The following AKT2 variants were observed in gnomAD, a reference collection of about 807,000 sequenced individuals.
The protein encoded by AKT2 is AKT serine/threonine kinase 2, also known as RAC-beta serine/threonine-protein kinase.
In AKT2, 16 loss-of-function variants were observed where a neutral mutation model predicts 58.6. The observed-to-expected ratio is 0.27, with a 90% CI of 0.18 to 0.41. The LOEUF is 0.41. AKT2 is among the 10% of genes least tolerant of loss of function. The pLI is 1.00. For missense variants in AKT2, 438 were observed against 661.0 expected (o/e 0.66, Z 3.70); for synonymous variants, 253 against 254.0 (o/e 1.00, Z 0.04).
chr19:40,230,585 CA>C lies in AKT2; in HGVS notation c.*3286del. 1 of 228,620 alleles carries C rather than the reference CA, an allele frequency of 4.4e-6. No homozygotes were observed. Among genetic ancestry groups the C allele is most frequent in the Non-Finnish European group, 8.7e-6 (1 of 115,108 alleles). 14.2% of individuals were successfully genotyped at this position (228,620 alleles called of 1,614,324 possible). ...TTACACAAAAAGAGCAGGAAACTAC[CA>C]ATTTATGATGCCGTGTCCATTTGCA... On this transcript the variant is annotated 3_prime_UTR_variant, in exon 14 of 14. Transcript: ENST00000392038.
chr19:40,242,238 G>C lies in AKT2; in HGVS notation c.442-169C>G. 2 of 1,053,630 alleles carry C rather than the reference G, an allele frequency of 1.9e-6. No individual in the cohort carries two copies. The highest frequency in any genetic ancestry group is 3.0e-4 in the Middle Eastern group (1 of 3,386). The allele number at this position is 1,053,630 out of a possible 1,614,324, so 65.3% of individuals were successfully genotyped here. On this transcript the variant is annotated intron_variant, in intron 5 of 13. Coordinates refer to ENST00000392038, the MANE Select transcript of AKT2 (RefSeq NM_001626.6). This position sits in a 1 kb window ranked among gnomAD's most constrained non-coding sequence, Gnocchi z 4.3. ...ACTGTGTGTTCTGAAGCGGCCTTCA[G>C]ACCAGGCTCTGCAGGCACAGGGCCT...
Position 40,232,962 on chromosome 19 carries a change from T to C in AKT2, c.*910A>G. On this transcript the variant is annotated 3_prime_UTR_variant, in exon 14 of 14. Transcript: ENST00000392038. ...CCCCACCCCTCCCTGACCAAGTCCA[T>C]GGGGCCCAATACTGTCCGGTGTAAG... is the stretch of plus-strand genomic sequence containing the variant. 8.6e-6 allele frequency: 1 copy of C among 116,908 alleles called. No homozygotes were observed. The highest frequency in any genetic ancestry group is 1.6e-5 in the Non-Finnish European group (1 of 60,992). The allele number at this position is 116,908 out of a possible 1,614,324, so 7.2% of individuals were successfully genotyped here. A position where few individuals can be genotyped will look rare whatever the true frequency, so the allele number is the denominator to read the frequency against.
chr19:40,254,907 G>A (rs968553962), intron 4 of AKT2, among the ~76,000 whole-genome samples: 1 of 152,132 alleles, frequency 6.6e-6, no homozygotes, highest in African/African-American at 2.4e-5. Flanking sequence ...CTTGAGGCGA[G>A]GCCCAGCGGT....
At chr19:40,261,419 G>T (rs1317039222) in intron 2 of AKT2, among the ~76,000 whole-genome samples, 1 of 152,004 alleles carries the variant, frequency 6.6e-6, no homozygotes, top group African/African-American at 2.4e-5. Context: ...TGTAATCCCA[G>T]CTACTCAGGA....
chr19:40,258,712 G>A (rs1204759784), intron 2 of AKT2, among the ~76,000 whole-genome samples: 1 of 150,986 alleles, frequency 6.6e-6, no homozygotes, highest in East Asian at 1.9e-4. Context: ...TTAACCAAGG[G>A]GGTGAAGGGC....
At position 40,238,941 on chromosome 19, in the gene AKT2, G is replaced by A. The variant is rs956105186; in HGVS notation, c.672C>T (p.Arg224=). The part of the protein sequence containing the change: ...ALKYAFQTHD[R]LCFVMEYANG... ...TGGCATACTCCATCACAAAGCACAGGCGGTCGTGGGTCTGGAAGGCATACT... is the reference window on the plus strand; with the variant it reads ...TGGCATACTCCATCACAAAGCACAGACGGTCGTGGGTCTGGAAGGCATACT... The change falls in exon 8 of 14, where the codon CGC becomes CGT. Residue 224 remains arginine (R), a synonymous_variant. Coordinates refer to ENST00000392038, the MANE Select transcript of AKT2 (RefSeq NM_001626.6). The surrounding 1 kb of genome is among the most constrained non-coding windows in gnomAD (Gnocchi z 5.1). 1 of 1,614,078 alleles carries A rather than the reference G, an allele frequency of 6.2e-7. No homozygotes were observed. The highest frequency in any genetic ancestry group is 8.5e-7 in the Non-Finnish European group (1 of 1,180,014).
intron 4 of AKT2, chr19:40,243,810 A>C (rs1257531115): frequency 6.6e-6 from 1 of 151,998 alleles, no homozygotes; most frequent in Non-Finnish European, 1.5e-5. Context: ...TTGGGAGGCC[A>C]AGGTGGAGGA....
At position 40,256,969 on chromosome 19, in the gene AKT2, G is replaced by A. The variant is rs962740719; in HGVS notation, c.132C>T (p.Ala44=). The part of the protein sequence containing the change: ...SFIGYKERPE[A]PDQTLPPLNN... ...TTAAGGGGGGTAGAGTCTGATCAGG[G>A]GCCTCGGGCCTCTCCTTGTACCCAA... is the stretch of plus-strand genomic sequence containing the variant. The change falls in exon 3 of 14, where the codon GCC becomes GCT. Residue 44 remains alanine (A), a synonymous_variant. Coordinates refer to ENST00000392038, the MANE Select transcript of AKT2 (RefSeq NM_001626.6). 9 of 1,614,212 alleles carry A rather than the reference G, an allele frequency of 5.6e-6. No individual in the cohort carries two copies. In the Admixed American group the frequency reaches 1.5e-4, roughly 27 times the overall value.
chr19:40,253,809 A>C (rs187773832), intron 4 of AKT2, among the ~76,000 whole-genome samples: 132 of 152,236 alleles, frequency 8.7e-4, no homozygotes, highest in African/African-American at 3.0e-3. Flanking sequence ...CAGTCATCAC[A>C]ATAAAGAACG....
chr19:40,259,595 T>A (rs1975794048), intron 2 of AKT2, among the ~76,000 whole-genome samples: 1 of 152,084 alleles, frequency 6.6e-6, no homozygotes, highest in Non-Finnish European at 1.5e-5. Flanking sequence ...CTCATCAAAA[T>A]TAAAAACCTT....
rs1974455460 is a variant in AKT2 at position 40,242,259 on chromosome 19, G to C, written c.442-190C>G. On this transcript the variant is annotated intron_variant, in intron 5 of 13. Transcript: ENST00000392038. The surrounding 1 kb of genome is among the most constrained non-coding windows in gnomAD (Gnocchi z 4.3). ...TTCAGACCAGGCTCTGCAGGCACAG[G>C]GCCTTGGGAGGGCTGGGCTCTGACG... The C allele has an allele frequency of 3.3e-6, 3 of 914,030 alleles. No individual in the cohort carries two copies. Among genetic ancestry groups the C allele is most frequent in the Non-Finnish European group, 5.0e-6 (3 of 594,352 alleles). 56.6% of individuals were successfully genotyped at this position (914,030 alleles called of 1,614,324 possible). A position where few individuals can be genotyped will look rare whatever the true frequency, so the allele number is the denominator to read the frequency against.
At chr19:40,282,584 A>G (rs775289268) in intron 1 of AKT2, 89 of 531,002 alleles carry the variant, frequency 1.7e-4, no homozygotes, top group Non-Finnish European at 1.2e-5. Context: ...TCACCTCTAT[A>G]GGTAGAGGAC....
intron 1 of AKT2, among the ~76,000 whole-genome samples, chr19:40,267,448 G>C (rs902971656): frequency 6.6e-6 from 1 of 152,164 alleles, no homozygotes; most frequent in Non-Finnish European, 1.5e-5. Context: ...ATCAGGGACA[G>C]CACCTCCTTC....
At chr19:40,275,217 C>A in intron 1 of AKT2, 1 of 456,918 alleles carries the variant, frequency 2.2e-6, no homozygotes, top group Non-Finnish European at 4.4e-6. Context: ...CACCTCCCAT[C>A]TTGTGTCGCC....
chr19:40,261,178 G>T (rs4803322), intron 2 of AKT2, among the ~76,000 whole-genome samples: 6 of 152,200 alleles, frequency 3.9e-5, no homozygotes, highest in Non-Finnish European at 7.3e-5. Context: ...GTATTTGGGT[G>T]AAGGGAGCAC....
chr19:40,285,070 G>A, intron 1 of AKT2, 111 bp downstream of exon 1: 1 of 387,088 alleles, frequency 2.6e-6, no homozygotes. Flanking sequence ...GGGCTCGAGG[G>A]CCGCGGTCCC....
Position 40,235,501 on chromosome 19 carries a change from G to C in AKT2, c.1176-151C>G, listed in dbSNP as rs531963039. On this transcript the variant is annotated intron_variant, in intron 11 of 13. Coordinates refer to ENST00000392038, the MANE Select transcript of AKT2 (RefSeq NM_001626.6). The surrounding 1 kb of genome is among the most constrained non-coding windows in gnomAD (Gnocchi z 6.3). ...AGGAGGAAACCGAGGCTCAGGGAGG[G>C]AGCTCACGTGCCCAGGGTCAGAGCC... 34 of 774,420 alleles carry C rather than the reference G, an allele frequency of 4.4e-5. No individual in the cohort carries two copies. The South Asian group carries it at 4.6e-4, about 11-fold the overall frequency. 48.0% of individuals were successfully genotyped at this position (774,420 alleles called of 1,614,324 possible).
chr19:40,274,418 G>A (rs1991823), intron 1 of AKT2: 94,666 of 154,418 alleles, frequency 0.61, 29,310 homozygotes, highest in South Asian at 0.7. Flanking sequence ...ATCACTGCTC[G>A]GGTCACCAGG....
chr19:40,233,721 T>C lies in AKT2; in HGVS notation c.*151A>G. ...GCAGGGGCTGCAGGGGCCGCTGGGG[T>C]GCGTCTGGGAGGGGCCTGAAGAAGA... On this transcript the variant is annotated 3_prime_UTR_variant, in exon 14 of 14. Coordinates refer to ENST00000392038, the MANE Select transcript of AKT2 (RefSeq NM_001626.6). This position sits in a 1 kb window ranked among gnomAD's most constrained non-coding sequence, Gnocchi z 4.3. 1.4e-6 allele frequency: 1 copy of C among 719,054 alleles called. No homozygotes were observed. 44.5% of individuals were successfully genotyped at this position (719,054 alleles called of 1,614,324 possible). A position where few individuals can be genotyped will look rare whatever the true frequency, so the allele number is the denominator to read the frequency against.
Sources: allele counts gnomAD v4.1 joint callset (sites outside exome capture counted in the v4.1 genomes callset), GRCh38; gene constraint gnomAD v4.1.1; non-coding constraint Gnocchi (gnomAD v3.1); transcripts MANE v1.5; gene names NCBI Gene and HGNC (gene_info 2026-07-23, HGNC 2026-07-21).